The following PRKCE variants were observed in gnomAD, a reference collection of about 807,000 sequenced individuals.
PRKCE encodes the protein protein kinase C epsilon type.
PRKCE carries 16 observed loss-of-function variants against 85.4 expected under a neutral mutation model. That is an observed-to-expected ratio of 0.19 (90% CI 0.13 to 0.28). The LOEUF (loss-of-function observed/expected upper bound fraction) is 0.28. Among genes scored for constraint, PRKCE ranks in the 10% least tolerant of loss-of-function variants. The probability of loss-of-function intolerance (pLI) is 1.00; values close to 1 mark genes in which losing one functional copy is unlikely to be tolerated. For synonymous variants in PRKCE, 388 were observed against 371.5 expected (o/e 1.04, Z -0.51); for missense variants, 573 against 975.2 (o/e 0.59, Z 5.49).
At chr2:45,937,284 T>C (rs1699532127) in intron 2 of PRKCE, among the ~76,000 whole-genome samples, 2 of 152,264 alleles carry the variant, frequency 1.3e-5, no homozygotes, top group African/African-American at 4.8e-5. Flanking sequence ...TCCCTTGGTC[T>C]GCCACAGAGG....
Position 46,175,466 on chromosome 2 carries a change from C to T in PRKCE, c.2068-9269C>T, listed in dbSNP as rs190023168. Among the ~76,000 whole-genome samples the T allele has an allele frequency of 3.3e-5, 5 of 152,338 alleles. No individual in the cohort carries two copies. The East Asian group carries it at 9.6e-4, about 29-fold the overall frequency. ...AATTTACTCGATGTCACCTACTGTT[C>T]TCGCCACTTGATTGTATTCTTTCAT... On this transcript the variant is annotated intron_variant, in intron 14 of 14. Transcript: ENST00000306156.
chr2:45,938,682 A>G (rs577399643), intron 2 of PRKCE, among the ~76,000 whole-genome samples: 135 of 152,266 alleles, frequency 8.9e-4, no homozygotes, highest in Middle Eastern at 6.8e-3. Flanking sequence ...GTTTGACCAT[A>G]AACTCATGGT....
At chr2:46,082,511 G>A (rs1426286758) in intron 10 of PRKCE, among the ~76,000 whole-genome samples, 2 of 152,126 alleles carry the variant, frequency 1.3e-5, no homozygotes, top group African/African-American at 4.8e-5. Flanking sequence ...TGGGGCATCT[G>A]GATGGAGATG....
At chr2:45,903,525 A>G (rs542982303) in intron 2 of PRKCE, among the ~76,000 whole-genome samples, 1 of 152,358 alleles carries the variant, frequency 6.6e-6, no homozygotes, top group South Asian at 2.1e-4. Flanking sequence ...GTTAAATTTG[A>G]ACTTCAGATC....
chr2:45,780,422 C>G (rs1686091034), intron 1 of PRKCE, among the ~76,000 whole-genome samples: 1 of 152,078 alleles, frequency 6.6e-6, no homozygotes, highest in African/African-American at 2.4e-5. Flanking sequence ...GCCCTATATT[C>G]CTTGTAAACT....
chr2:45,787,960 T>A (rs966261518), intron 1 of PRKCE, among the ~76,000 whole-genome samples: 5 of 152,170 alleles, frequency 3.3e-5, no homozygotes, highest in African/African-American at 9.7e-5. Flanking sequence ...TAGCTGTCTC[T>A]CATGTTAGGT....
intron 1 of PRKCE, among the ~76,000 whole-genome samples, chr2:45,837,548 C>T (rs781194201): frequency 8.5e-5 from 13 of 152,180 alleles, no homozygotes; most frequent in South Asian, 2.1e-4. Flanking sequence ...TGAGCCACCA[C>T]GCCCAGTCTA....
At chr2:45,761,143 C>A (rs562606517) in intron 1 of PRKCE, among the ~76,000 whole-genome samples, 3 of 151,938 alleles carry the variant, frequency 2.0e-5, no homozygotes, top group African/African-American at 4.8e-5. Flanking sequence ...TTGGCTAACA[C>A]GGTGAAACCT....
At chr2:46,101,701 T>G (rs1671243703) in intron 11 of PRKCE, among the ~76,000 whole-genome samples, 1 of 152,062 alleles carries the variant, frequency 6.6e-6, no homozygotes, top group African/African-American at 2.4e-5. Flanking sequence ...GGAGAAAACT[T>G]GGGAGTTTAG....
At chr2:46,177,842 G>T (rs1186451881) in intron 14 of PRKCE, among the ~76,000 whole-genome samples, 1 of 152,162 alleles carries the variant, frequency 6.6e-6, no homozygotes, top group African/African-American at 2.4e-5. Context: ...TACTATCTTA[G>T]ACAATGTTAA....
chr2:46,173,555 C>T (rs749270289), intron 14 of PRKCE, among the ~76,000 whole-genome samples: 4 of 152,244 alleles, frequency 2.6e-5, no homozygotes, highest in African/African-American at 7.2e-5. Context: ...TCCTCAGTTT[C>T]GCAGGAGCAA....
intron 2 of PRKCE, among the ~76,000 whole-genome samples, chr2:45,864,420 T>G (rs1013792352): frequency 6.6e-6 from 1 of 152,188 alleles, no homozygotes; most frequent in Non-Finnish European, 1.5e-5. Flanking sequence ...CCTTCAACAT[T>G]TTTAGGAACA....
chr2:46,020,405 A>G (rs1706549376), intron 10 of PRKCE, among the ~76,000 whole-genome samples: 1 of 152,102 alleles, frequency 6.6e-6, no homozygotes, highest in African/African-American at 2.4e-5. Context: ...AGCTGGAGTG[A>G]GTCTTGATTT....
chr2:46,122,485 C>A (rs959658912), intron 11 of PRKCE, among the ~76,000 whole-genome samples: 3 of 152,160 alleles, frequency 2.0e-5, no homozygotes, highest in African/African-American at 7.2e-5. Context: ...ACCTTGGCCT[C>A]CCAGAGTGCT....
intron 1 of PRKCE, among the ~76,000 whole-genome samples, chr2:45,814,739 A>G (rs920977687): frequency 6.6e-6 from 1 of 152,174 alleles, no homozygotes; most frequent in Non-Finnish European, 1.5e-5. Context: ...ATTTGGTGCA[A>G]CAGAGTTGCT....
At chr2:45,655,500 C>T (rs2103695056) in intron 1 of PRKCE, among the ~76,000 whole-genome samples, 1 of 152,242 alleles carries the variant, frequency 6.6e-6, no homozygotes, top group Non-Finnish European at 1.5e-5. Flanking sequence ...AGGTTCCACA[C>T]AGGTGGTACC....
At chr2:45,938,061 C>G (rs1430911423) in intron 2 of PRKCE, among the ~76,000 whole-genome samples, 2 of 152,216 alleles carry the variant, frequency 1.3e-5, no homozygotes, top group East Asian at 1.9e-4. Flanking sequence ...CCCCTTCGGC[C>G]TCTTCTTGTT....
intron 1 of PRKCE, among the ~76,000 whole-genome samples, chr2:45,687,408 T>G (rs1320993697): frequency 6.6e-6 from 1 of 152,206 alleles, no homozygotes; most frequent in Non-Finnish European, 1.5e-5. Flanking sequence ...ACTGTTAGAA[T>G]GATAAACATA....
At chr2:46,120,585 A>G (rs1404624614) in intron 11 of PRKCE, among the ~76,000 whole-genome samples, 5 of 152,188 alleles carry the variant, frequency 3.3e-5, no homozygotes, top group African/African-American at 4.8e-5. Context: ...GTGTTTAGGT[A>G]GAGTACAGCC....
Sources: allele counts gnomAD v4.1 joint callset (sites outside exome capture counted in the v4.1 genomes callset), GRCh38; gene constraint gnomAD v4.1.1; transcripts MANE v1.5; gene names NCBI Gene and HGNC (gene_info 2026-07-23, HGNC 2026-07-21).